Variants in CDH26 observed in about 807,000 individuals in gnomAD.
The protein encoded by CDH26 is cadherin-like protein 26.
CDH26 carries 83 observed loss-of-function variants against 90.3 expected under a neutral mutation model. The observed-to-expected ratio is 0.92, with a 90% CI of 0.77 to 1.10. The LOEUF is 1.10. Among genes scored for constraint, CDH26 ranks in the 50% least tolerant of loss-of-function variants. CDH26 has a pLI of 0.00. For synonymous variants in CDH26, 397 were observed against 396.3 expected (o/e 1.00, Z -0.02); for missense variants, 1,013 against 1,037.6 (o/e 0.98, Z 0.33).
At position 59,985,134 on chromosome 20, in the gene CDH26, G is replaced by A; in HGVS notation, c.837+5G>A. The stretch of plus-strand genomic sequence containing the variant: ...CCTGCATTTACCCAGGAGAACGTGA[G>A]GCTCCTGGGCCGCCCCAACGTCTAA... On this transcript the variant is annotated splice_donor_5th_base_variant and intron_variant, in intron 7 of 17. Coordinates refer to ENST00000348616, the MANE Select transcript of CDH26 (RefSeq NM_177980.4). 2 of 1,611,034 alleles carry A rather than the reference G, an allele frequency of 1.2e-6. No individual in the cohort carries two copies. Among genetic ancestry groups the A allele is most frequent in the Non-Finnish European group, 1.7e-6 (2 of 1,179,522 alleles).
At chr20:59,998,916 G>T (rs6027229) in intron 13 of CDH26, among the ~76,000 whole-genome samples, 1 of 152,266 alleles carries the variant, frequency 6.6e-6, no homozygotes, top group East Asian at 1.9e-4. Context: ...GCCATCTCTA[G>T]GTGCACTTAT....
At chr20:59,969,297 T>C (rs945590551) in intron 2 of CDH26, among the ~76,000 whole-genome samples, 3 of 152,234 alleles carry the variant, frequency 2.0e-5, no homozygotes, top group African/African-American at 7.2e-5. Flanking sequence ...TTTTATTCTT[T>C]ATGGAATTAA....
intron 1 of CDH26, among the ~76,000 whole-genome samples, chr20:59,968,061 C>A: frequency 7.2e-6 from 1 of 138,700 alleles, no homozygotes; most frequent in African/African-American, 3.0e-5. Context: ...CTGTCTCTCT[C>A]TCTCTCTCTC....
intron 13 of CDH26, among the ~76,000 whole-genome samples, chr20:59,997,099 C>CT (rs1277637336): frequency 6.6e-6 from 1 of 152,196 alleles, no homozygotes; most frequent in African/African-American, 2.4e-5. Context: ...ACAAGACAGC[C>CT]TCTACCACAG....
In CDH26 at chr20:59,984,728, C is replaced by A. The variant is rs777730285; in HGVS notation, c.631C>A (p.Pro211Thr). Residue 211 changes from proline (P) to threonine (T), a missense_variant, in exon 6 of 18, where the codon CCA becomes ACA. By Grantham distance (38) the Pro-to-Thr change is conservative. Transcript: ENST00000348616. ...QVLYFLISQT[P>T]LLKESGFRVD... ...CCTTTACTTCCTCATTTCTCAAACACCATTACTGAAAGAAAGTGGTTTCCG... is the reference window on the plus strand; with the variant it reads ...CCTTTACTTCCTCATTTCTCAAACAACATTACTGAAAGAAAGTGGTTTCCG... 3.1e-6 allele frequency: 5 copies of A among 1,613,850 alleles called. No individual in the cohort carries two copies. Among genetic ancestry groups the A allele is most frequent in the Non-Finnish European group, 3.4e-6 (4 of 1,179,934 alleles).
In CDH26 at chr20:60,021,871, C is replaced by CACACACACACACAT. The variant is rs1555903650; in HGVS notation, c.948-9347_948-9346insTACACACACACACA. Among the ~76,000 whole-genome samples the CACACACACACACAT allele has an allele frequency of 5.8e-3, 615 of 106,056 alleles. 26 individuals carry two copies. Among genetic ancestry groups the CACACACACACACAT allele is most frequent in the African/African-American group, 0.016 (528 of 32,196 alleles). 69.6% of individuals were successfully genotyped at this position (106,056 alleles called of 152,430 possible). ...CTGTACACACACACACACACACACA[C>CACACACACACACAT]ACACACACACACACACACACACACA... On this transcript the variant is annotated intron_variant, in intron 7 of 8. Transcript: ENST00000370991.
intron 9 of CDH26, among the ~76,000 whole-genome samples, chr20:59,991,745 G>A (rs1000240212): frequency 2.6e-5 from 4 of 152,220 alleles, no homozygotes; most frequent in African/African-American, 9.6e-5. Flanking sequence ...TTGTTTGCCT[G>A]AGTCCAGGAG....
At chr20:59,967,817 C>CTT (rs1491313710) in intron 1 of CDH26, among the ~76,000 whole-genome samples, 2 of 17,122 alleles carry the variant, frequency 1.2e-4, no homozygotes, top group Non-Finnish European at 2.2e-4. Context: ...TCCCTCATTT[C>CTT]TTTCTTTCTT....
At chr20:60,010,996 G>A (rs752616353) in intron 17 of CDH26, among the ~76,000 whole-genome samples, 62 of 152,174 alleles carry the variant, frequency 4.1e-4, no homozygotes, top group African/African-American at 1.1e-3. Context: ...CATCAGTCAC[G>A]TAGCCACATC....
intron 10 of CDH26, among the ~76,000 whole-genome samples, chr20:59,993,495 T>C (rs985047087): frequency 6.6e-6 from 1 of 152,224 alleles, no homozygotes; most frequent in Non-Finnish European, 1.5e-5. Context: ...CTCCCACTTA[T>C]AAGTGAGAAC....
chr20:59,969,059 T>C, intron 2 of CDH26, 36 bp downstream of exon 2: 1 of 1,354,834 alleles, frequency 7.4e-7, no homozygotes, highest in Non-Finnish European at 1.1e-6. Flanking sequence ...ATATATAAAA[T>C]CAGTCTCTAC....
At chr20:59,979,780 C>A (rs1010115274) in intron 4 of CDH26, among the ~76,000 whole-genome samples, 11 of 151,656 alleles carry the variant, frequency 7.3e-5, no homozygotes, top group Admixed American at 7.2e-4. Context: ...GCACCCACCA[C>A]CACACCTGGC....
intron 3 of CDH26, among the ~76,000 whole-genome samples, chr20:59,970,457 A>C (rs937009151): frequency 6.6e-6 from 1 of 150,664 alleles, no homozygotes; most frequent in African/African-American, 2.4e-5. Context: ...TCCAACTGAC[A>C]GGTCTGCTTT....
intron 4 of CDH26, among the ~76,000 whole-genome samples, chr20:59,972,907 T>G (rs1205889799): frequency 6.6e-6 from 1 of 152,190 alleles, no homozygotes; most frequent in Non-Finnish European, 1.5e-5. Context: ...AGATATACCC[T>G]TAACTCACTG....
chr20:59,973,587 T>G (rs1385846301), intron 4 of CDH26, among the ~76,000 whole-genome samples: 1 of 152,134 alleles, frequency 6.6e-6, no homozygotes, highest in Non-Finnish European at 1.5e-5. Context: ...TCTGTTTCCT[T>G]CTGTGTGTCC....
In CDH26 at chr20:60,030,672, T is replaced by A. The variant is rs2062033379; in HGVS notation, c.948-559T>A. Among the ~76,000 whole-genome samples the A allele has an allele frequency of 1.3e-5, 2 of 152,158 alleles. No homozygotes were observed. The highest frequency in any genetic ancestry group is 4.1e-4 in the South Asian group (2 of 4,830). On this transcript the variant is annotated intron_variant, in intron 7 of 8. Transcript: ENST00000370991. The surrounding 1 kb of genome is among the most constrained non-coding windows in gnomAD (Gnocchi z 4.0). ...GACTTTGAAGCTGAGAGGCTGTAAG[T>A]GCAGGGGCAGTTGCAGCAACCTTGA...
intron 5 of CDH26, among the ~76,000 whole-genome samples, chr20:59,984,341 C>T (rs1031542941): frequency 7.2e-5 from 11 of 152,072 alleles, no homozygotes; most frequent in Admixed American, 1.3e-4. Flanking sequence ...ATATATTTTC[C>T]TGCTTTATCA....
intron 1 of CDH26, among the ~76,000 whole-genome samples, chr20:59,964,533 C>T (rs1472518477): frequency 6.6e-6 from 1 of 151,866 alleles, no homozygotes; most frequent in African/African-American, 2.4e-5. Flanking sequence ...AAATTTGGCA[C>T]AGATGAGAAA....
At chr20:60,015,402 A>G (rs113179928), downstream of CDH26, among the ~76,000 whole-genome samples, 2,847 of 152,128 alleles carry the variant, frequency 0.019, 41 homozygotes, top group South Asian at 0.071. Context: ...GCAGTTTTTC[A>G]TATATTTTTT....
Sources: allele counts gnomAD v4.1 joint callset (sites outside exome capture counted in the v4.1 genomes callset), GRCh38; gene constraint gnomAD v4.1.1; non-coding constraint Gnocchi (gnomAD v3.1); transcripts MANE v1.5; gene names NCBI Gene and HGNC (gene_info 2026-07-23, HGNC 2026-07-21).